The following PDK1 variants were observed in gnomAD, a reference collection of about 807,000 sequenced individuals.
PDK1 encodes the protein [Pyruvate dehydrogenase (acetyl-transferring)] kinase isozyme 1, mitochondrial.
In PDK1, 39 loss-of-function variants were observed where a neutral mutation model predicts 54.2. That is an observed-to-expected ratio of 0.72 (90% CI 0.56 to 0.94). The LOEUF is 0.94. Among genes scored for constraint, PDK1 ranks in the 40% least tolerant of loss-of-function variants. The pLI is 0.00. For missense variants in PDK1, 552 were observed against 566.0 expected (o/e 0.98, Z 0.25); for synonymous variants, 221 against 207.1 (o/e 1.07, Z -0.58).
At position 172,608,349 on chromosome 2, in the gene PDK1, A is replaced by T. The variant is rs1326300486; in HGVS notation, c.*12380A>T. 6.6e-6 allele frequency: 1 copy of T among 152,214 alleles called. No individual in the cohort carries two copies. Among genetic ancestry groups the T allele is most frequent in the African/African-American group, 2.4e-5 (1 of 41,468 alleles). 9.4% of individuals were successfully genotyped at this position (152,214 alleles called of 1,614,324 possible). ...TCCTTCCGATTCTAGGTGATTATAT[A>T]GCTAGTTTACTCTTCCACCCCCAAG... On this transcript the variant is annotated 3_prime_UTR_variant, in exon 11 of 11. Transcript: ENST00000282077.
chr2:172,563,480 C>T (rs542226113), intron 3 of PDK1, among the ~76,000 whole-genome samples: 165 of 152,272 alleles, frequency 1.1e-3, no homozygotes, highest in Admixed American at 4.3e-3. Flanking sequence ...GGAAAGCACT[C>T]ATTTGGAAGT....
At chr2:172,588,519 T>G (rs149567838) in intron 9 of PDK1, among the ~76,000 whole-genome samples, 2,480 of 152,336 alleles carry the variant, frequency 0.016, 60 homozygotes, top group African/African-American at 0.055. Flanking sequence ...AAGTGTGTGT[T>G]ATTTTAGGAT....
chr2:172,653,331 A>G, the PDK1 span, among the ~76,000 whole-genome samples: 1 of 152,114 alleles, frequency 6.6e-6, no homozygotes, highest in South Asian at 2.1e-4. Context: ...CACCAGGCGC[A>G]GTGGCTCATG....
intron 8 of PDK1, among the ~76,000 whole-genome samples, chr2:172,571,226 TC>T (rs1211745056): frequency 6.6e-6 from 1 of 152,218 alleles, no homozygotes; most frequent in Non-Finnish European, 1.5e-5. Context: ...GGTAATTTTA[TC>T]CTCACTTTTA....
the PDK1 span, among the ~76,000 whole-genome samples, chr2:172,670,523 A>G: frequency 4.6e-5 from 7 of 152,204 alleles, no homozygotes; most frequent in African/African-American, 1.7e-4. Context: ...GAGAATGTCA[A>G]TTGCCTGAAG....
At chr2:172,611,868 G>C (rs571892695), downstream of PDK1, among the ~76,000 whole-genome samples, 2 of 152,238 alleles carry the variant, frequency 1.3e-5, no homozygotes, top group East Asian at 1.9e-4. Flanking sequence ...TGGTCCCCAC[G>C]TTGGGATCTG....
rs1046099214 is a variant in PDK1 at position 172,597,061 on chromosome 2, C to T, written c.*1092C>T. The T allele has an allele frequency of 5.3e-5, 8 of 151,842 alleles. No individual in the cohort carries two copies. Among genetic ancestry groups the T allele is most frequent in the Admixed American group, 2.0e-4 (3 of 15,234 alleles). The allele number at this position is 151,842 out of a possible 1,614,324, so 9.4% of individuals were successfully genotyped here. On this transcript the variant is annotated 3_prime_UTR_variant, in exon 11 of 11. Coordinates refer to ENST00000282077, the MANE Select transcript of PDK1 (RefSeq NM_002610.5). ...TTAGAAGCAGAAGAACAAAATGCCA[C>T]GTAACCAAAGCATCAGAGCCATCAT...
At chr2:172,558,509 T>TCATA (rs1246820759) in intron 1 of PDK1, among the ~76,000 whole-genome samples, 199 bp from the exon 2 acceptor site, 1 of 152,210 alleles carries the variant, frequency 6.6e-6, no homozygotes, top group Non-Finnish European at 1.5e-5. Flanking sequence ...AATTGGAAGG[T>TCATA]CATAACTCTG....
At chr2:172,664,038 G>A in the PDK1 span, among the ~76,000 whole-genome samples, 5 of 149,402 alleles carry the variant, frequency 3.3e-5, no homozygotes, top group South Asian at 6.4e-4. Flanking sequence ...CTTGCCAGGC[G>A]CGGTGGCTCA....
rs1366688296 is a variant in PDK1 at position 172,599,289 on chromosome 2, C to A, written c.*3320C>A. ...TGATGGGATATAGGCAGCACAATTT[C>A]CCTTCATTGTTGAAGCCAACAAGTT... On this transcript the variant is annotated 3_prime_UTR_variant, in exon 11 of 11. Coordinates refer to ENST00000282077, the MANE Select transcript of PDK1 (RefSeq NM_002610.5). 1 of 152,106 alleles carries A rather than the reference C, an allele frequency of 6.6e-6. No individual in the cohort carries two copies. The highest frequency in any genetic ancestry group is 2.4e-5 in the African/African-American group (1 of 41,424). The allele number at this position is 152,106 out of a possible 1,614,324, so 9.4% of individuals were successfully genotyped here.
the PDK1 span, among the ~76,000 whole-genome samples, chr2:172,711,631 G>C: frequency 6.6e-6 from 1 of 152,096 alleles, no homozygotes; most frequent in Admixed American, 6.6e-5. Context: ...TTGGGAGGCA[G>C]AGGCTGGTGA....
the PDK1 span, among the ~76,000 whole-genome samples, chr2:172,720,021 C>T: frequency 1.3e-5 from 2 of 151,416 alleles, no homozygotes; most frequent in Admixed American, 1.3e-4. Flanking sequence ...TTCTGCTAGG[C>T]TATTTGTATA....
upstream of PDK1, chr2:172,555,855 T>G: frequency 2.2e-5 from 6 of 278,854 alleles, no homozygotes; most frequent in Admixed American, 5.4e-5. Context: ...TGGGGCGGGA[T>G]CTGGGCGGCG....
At position 172,558,850 on chromosome 2, in the gene PDK1, G is replaced by A; in HGVS notation, c.338+1G>A. 6.2e-7 allele frequency: 1 copy of A among 1,608,054 alleles called. No individual in the cohort carries two copies. On this transcript the variant is annotated splice_donor_variant, in intron 2 of 10. Transcript: ENST00000282077. LOFTEE classifies it high-confidence loss of function. ...CATCCGTTCAATTGGTACAAAGCTG[G>A]TAAGATTCTCATCTTGTGTTTGCAA...
the PDK1 span, among the ~76,000 whole-genome samples, chr2:172,621,545 T>A: frequency 1.4e-4 from 21 of 146,430 alleles, no homozygotes; most frequent in Non-Finnish European, 7.5e-5. Context: ...ATATATATAT[T>A]ATATATATAT....
At position 172,592,945 on chromosome 2, in the gene PDK1, G is replaced by T. The variant is rs774106263; in HGVS notation, c.1067G>T (p.Gly356Val). Residue 356 changes from glycine to valine, a missense_variant, in exon 10 of 11, where the codon GGT becomes GTT. By Grantham distance (109) the Gly-to-Val change is moderately radical. Transcript: ENST00000282077. ...TSRAVPLAGFGYGLPISRLYA... is the reference protein window; with the variant it reads ...TSRAVPLAGFVYGLPISRLYA... ...TTTCTCATCAAACAGGCTGGTTTTGGTTATGGATTGCCCATATCACGTCTT... is the reference window on the plus strand; with the variant it reads ...TTTCTCATCAAACAGGCTGGTTTTGTTTATGGATTGCCCATATCACGTCTT... 6.2e-7 allele frequency: 1 copy of T among 1,606,666 alleles called. No homozygotes were observed. The highest frequency in any genetic ancestry group is 8.5e-7 in the Non-Finnish European group (1 of 1,173,842).
At chr2:172,583,355 G>A (rs894641360) in intron 8 of PDK1, among the ~76,000 whole-genome samples, 9 of 134,046 alleles carry the variant, frequency 6.7e-5, no homozygotes, top group African/African-American at 2.6e-4. Flanking sequence ...AGAGTGCAGT[G>A]GTACAACCTT....
intron 8 of PDK1, among the ~76,000 whole-genome samples, chr2:172,585,855 G>T (rs1690192479): frequency 6.6e-6 from 1 of 152,074 alleles, no homozygotes; most frequent in Non-Finnish European, 1.5e-5. Flanking sequence ...CTTGGATTGT[G>T]TTGTATTCAT....
chr2:172,668,068 G>A, the PDK1 span, among the ~76,000 whole-genome samples: 1 of 152,142 alleles, frequency 6.6e-6, no homozygotes, highest in Non-Finnish European at 1.5e-5. Context: ...GATTGACTCT[G>A]GGAAATTTGA....
Sources: allele counts gnomAD v4.1 joint callset (sites outside exome capture counted in the v4.1 genomes callset), GRCh38; gene constraint gnomAD v4.1.1; transcripts MANE v1.5; gene names NCBI Gene and HGNC (gene_info 2026-07-23, HGNC 2026-07-21).